Variants in MATN3 observed in about 807,000 individuals in gnomAD.
The protein encoded by MATN3 is matrilin-3.
Under a neutral mutation model 45.3 loss-of-function variants are expected in MATN3, and 48 were observed. That is an observed-to-expected ratio of 1.06 (90% CI 0.84 to 1.35). The LOEUF is 1.35. Ranked by LOEUF, MATN3 falls within the 40% of genes most tolerant of loss-of-function variation. The probability of loss-of-function intolerance (pLI) is 0.00; values close to 1 mark genes in which losing one functional copy is unlikely to be tolerated. For missense variants in MATN3, 599 were observed against 628.0 expected (o/e 0.95, Z 0.49); for synonymous variants, 217 against 245.9 (o/e 0.88, Z 1.10).
chr2:20,003,428 C>T, intron 2 of MATN3, 142 bp from the exon 3 acceptor site: 1 of 763,240 alleles, frequency 1.3e-6, no homozygotes, highest in Non-Finnish European at 1.9e-6. Flanking sequence ...TATTTGTTTT[C>T]TGCCTCTGGC....
chr2:20,009,262 T>C (rs1365966588), intron 1 of MATN3, among the ~76,000 whole-genome samples: 1 of 137,068 alleles, frequency 7.3e-6, no homozygotes, highest in African/African-American at 3.1e-5. Flanking sequence ...CAAAATTCTT[T>C]CTTTCTTTAA....
intron 2 of MATN3, among the ~76,000 whole-genome samples, chr2:20,004,376 G>C (rs1054793778): frequency 6.6e-6 from 1 of 152,220 alleles, no homozygotes; most frequent in Non-Finnish European, 1.5e-5. Flanking sequence ...AGACCAGCAT[G>C]TTGATGGAGA....
intron 2 of MATN3, chr2:20,004,170 T>G (rs994380579): frequency 2.6e-4 from 40 of 152,222 alleles, no homozygotes; most frequent in African/African-American, 9.4e-4. Context: ...AAGAAGGGCC[T>G]TTTCATGGAA....
chr2:20,005,662 A>AAAGG, intron 2 of MATN3, 82 bp downstream of exon 2: 2 of 1,198,040 alleles, frequency 1.7e-6, no homozygotes, highest in Non-Finnish European at 2.3e-6. Context: ...TCCACCAAAA[A>AAAGG]AGAATAATAC....
intron 1 of MATN3, among the ~76,000 whole-genome samples, chr2:20,008,171 C>G (rs531558414): frequency 1.4e-4 from 21 of 152,274 alleles, no homozygotes; most frequent in African/African-American, 4.8e-4. Flanking sequence ...CTATGTTGGC[C>G]AGGCTGGGCT....
At position 20,002,200 on chromosome 2, in the gene MATN3, T is replaced by G. The variant is rs1346221748; in HGVS notation, c.917-120A>C. The G allele has an allele frequency of 4.4e-5, 23 of 519,582 alleles. No individual in the cohort carries two copies. The Middle Eastern group carries it at 1.6e-3, about 36-fold the overall frequency. The allele number at this position is 519,582 out of a possible 1,614,324, so 32.2% of individuals were successfully genotyped here. ...CACACACACACACACACAGAGCTAA[T>G]GAAACAAGGGAGGGGCAGCTGGGAG... On this transcript the variant is annotated intron_variant, in intron 3 of 7. Coordinates refer to ENST00000407540, the MANE Select transcript of MATN3 (RefSeq NM_002381.5).
intron 5 of MATN3, 140 bp from the exon 6 acceptor site, chr2:19,997,399 G>T: frequency 1.3e-6 from 1 of 777,174 alleles, no homozygotes. Flanking sequence ...CAGGCCCCAT[G>T]CTGCAGGAGC....
In MATN3 at chr2:19,995,045, A is replaced by G. The variant is rs1446982208; in HGVS notation, c.1295-636T>C. Among the ~76,000 whole-genome samples the G allele has an allele frequency of 6.6e-6, 1 of 151,990 alleles. No individual in the cohort carries two copies. Among genetic ancestry groups the G allele is most frequent in the Non-Finnish European group, 1.5e-5 (1 of 67,954 alleles). On this transcript the variant is annotated intron_variant, in intron 6 of 7. Transcript: ENST00000407540. This position sits in a 1 kb window ranked among gnomAD's most constrained non-coding sequence, Gnocchi z 4.2. The stretch of plus-strand genomic sequence containing the variant: ...TTCAAGGCTGCAGTGAGCCATGATC[A>G]CACCACTGCACTCCAGCCTGGGTAA...
chr2:20,000,538 A>G lies in MATN3; in HGVS notation c.1071T>C (p.His357=). The G allele has an allele frequency of 6.2e-7, 1 of 1,611,110 alleles. No individual in the cohort carries two copies. Among genetic ancestry groups the G allele is most frequent in the Non-Finnish European group, 8.5e-7 (1 of 1,178,944 alleles). ...CATTCACACAAATGTGCTGACACCC[A>G]TGGGTACCCAAAGCACATTTATCTT... ...SAQDKCALGT[H]GCQHICVNDR... is the part of the protein sequence containing the mutation. The change falls in exon 5 of 8, where the codon CAT becomes CAC. Residue 357 remains histidine, a synonymous_variant. Transcript: ENST00000407540.
At chr2:20,001,162 A>T (rs1192570106) in intron 4 of MATN3, among the ~76,000 whole-genome samples, 1 of 152,226 alleles carries the variant, frequency 6.6e-6, no homozygotes, top group Non-Finnish European at 1.5e-5. Flanking sequence ...AAATTCCTGT[A>T]CTTCACCCTG....
rs561172076 is a variant in MATN3 at position 20,002,271 on chromosome 2, G to A, written c.917-191C>T. The stretch of plus-strand genomic sequence containing the variant: ...CTTGGCTCTTTCACTAAGAGACCCT[G>A]TGACATAGGTAAGTTTTTTCCCTTC... On this transcript the variant is annotated intron_variant, in intron 3 of 7. Coordinates refer to ENST00000407540, the MANE Select transcript of MATN3 (RefSeq NM_002381.5). Among the ~76,000 whole-genome samples, 6 of 152,184 alleles carry A rather than the reference G, an allele frequency of 3.9e-5. No homozygotes were observed. The South Asian group carries it at 6.2e-4, about 16-fold the overall frequency.
intron 2 of MATN3, 120 bp from the exon 3 acceptor site, chr2:20,003,406 TA>T: frequency 9.6e-6 from 9 of 938,892 alleles, no homozygotes; most frequent in African/African-American, 1.7e-5. Context: ...TACTTCACTA[TA>T]AAAAAATGGT....
intron 7 of MATN3, among the ~76,000 whole-genome samples, chr2:19,993,866 A>C (rs1672806785): frequency 1.3e-5 from 2 of 152,226 alleles, no homozygotes; most frequent in African/African-American, 4.8e-5. Context: ...ATCATGTTAC[A>C]TTTTAAAATC....
At position 19,993,121 on chromosome 2, in the gene MATN3, A is replaced by C; in HGVS notation, c.1451T>G (p.Ile484Arg). The C allele has an allele frequency of 6.2e-7, 1 of 1,612,732 alleles. No homozygotes were observed. ...EKLKINEYGQIHR is the reference protein window; with the variant it reads ...EKLKINEYGQRHR Reference sequence around the variant, plus strand: ...AGAAATTGGAGCAATTTAACGATGTATTTGTCCATATTCATTTATTTTCAA... The same window carrying C: ...AGAAATTGGAGCAATTTAACGATGTCTTTGTCCATATTCATTTATTTTCAA... Residue 484 changes from isoleucine (I) to arginine (R), a missense_variant, in exon 8 of 8, where the codon ATA becomes AGA. Transcript: ENST00000407540.
chr2:19,994,636 A>C (rs1672826120), intron 6 of MATN3, among the ~76,000 whole-genome samples: 1 of 152,240 alleles, frequency 6.6e-6, no homozygotes, highest in Admixed American at 6.5e-5. Flanking sequence ...GTCAAAGCTG[A>C]GTGATGCTTA....
chr2:20,009,581 G>A (rs1423654561), intron 1 of MATN3, among the ~76,000 whole-genome samples: 2 of 152,074 alleles, frequency 1.3e-5, no homozygotes, highest in Non-Finnish European at 2.9e-5. Flanking sequence ...AACCACCAGC[G>A]CACATGTATC....
At chr2:20,009,935 C>CT (rs2103485845) in intron 1 of MATN3, among the ~76,000 whole-genome samples, 1 of 152,042 alleles carries the variant, frequency 6.6e-6, no homozygotes, top group East Asian at 1.9e-4. Context: ...ATTGATGTCT[C>CT]ATACCTCCTT....
chr2:20,008,803 AC>A (rs1673163019), intron 1 of MATN3, among the ~76,000 whole-genome samples: 1 of 151,930 alleles, frequency 6.6e-6, no homozygotes, highest in Admixed American at 6.6e-5. Flanking sequence ...AATCCCAGTT[AC>A]CTCTCTCTGA....
rs1672858020 is a variant in MATN3 at position 19,995,973 on chromosome 2, G to A, written c.1294+1161C>T. ...GTCAATAAACCAGGAAGTATCTATTGAAGATCAACTACATGTCCATTATCC... is the reference window on the plus strand; with the variant it reads ...GTCAATAAACCAGGAAGTATCTATTAAAGATCAACTACATGTCCATTATCC... On this transcript the variant is annotated intron_variant, in intron 6 of 7. Transcript: ENST00000407540. The surrounding 1 kb of genome is among the most constrained non-coding windows in gnomAD (Gnocchi z 4.2). Among the ~76,000 whole-genome samples, 1 of 152,140 alleles carries A rather than the reference G, an allele frequency of 6.6e-6. No individual in the cohort carries two copies. Among genetic ancestry groups the A allele is most frequent in the South Asian group, 2.1e-4 (1 of 4,826 alleles).
Sources: allele counts gnomAD v4.1 joint callset (sites outside exome capture counted in the v4.1 genomes callset), GRCh38; gene constraint gnomAD v4.1.1; non-coding constraint Gnocchi (gnomAD v3.1); transcripts MANE v1.5; gene names NCBI Gene and HGNC (gene_info 2026-07-23, HGNC 2026-07-21).